The following METTL8 variants were observed in gnomAD, a reference collection of about 807,000 sequenced individuals.
METTL8 encodes the protein methyltransferase 8, tRNA N3-cytidine, also known as tRNA N(3)-cytidine methyltransferase METTL8, mitochondrial.
METTL8 carries 32 observed loss-of-function variants against 48.7 expected under a neutral mutation model. The observed-to-expected ratio is 0.66, with a 90% CI of 0.50 to 0.88. The LOEUF (loss-of-function observed/expected upper bound fraction) is 0.88. Ranked by LOEUF, METTL8 falls within the 40% of genes least tolerant of loss-of-function variation. The pLI, the probability that METTL8 is intolerant of heterozygous loss-of-function variation, is 0.00. For synonymous variants in METTL8, 136 were observed against 157.1 expected (o/e 0.87, Z 1.01); for missense variants, 464 against 474.4 (o/e 0.98, Z 0.20).
chr2:171,361,684 T>C (rs1685187660), intron 2 of METTL8, among the ~76,000 whole-genome samples: 1 of 152,304 alleles, frequency 6.6e-6, no homozygotes, highest in East Asian at 1.9e-4. Context: ...TTCAAGGTCA[T>C]ATAGCCAGGA....
intron 3 of METTL8, among the ~76,000 whole-genome samples, chr2:171,357,004 T>G (rs1161101454): frequency 7.1e-6 from 1 of 140,700 alleles, no homozygotes; most frequent in African/African-American, 2.6e-5. Flanking sequence ...CAGGCTGCAG[T>G]GCAGTGGTGC....
intron 2 of METTL8, among the ~76,000 whole-genome samples, chr2:171,360,794 T>C (rs768673628): frequency 2.0e-5 from 3 of 152,206 alleles, no homozygotes; most frequent in Admixed American, 1.3e-4. Context: ...CCCTGGTGTA[T>C]GACTATTTGG....
chr2:171,341,844 C>G (rs1411701331), intron 3 of METTL8, among the ~76,000 whole-genome samples: 1 of 151,450 alleles, frequency 6.6e-6, no homozygotes, highest in Non-Finnish European at 1.5e-5. Flanking sequence ...TACACACACA[C>G]ACACACACAC....
At chr2:171,412,228 A>T (rs1690823207) in intron 1 of METTL8, among the ~76,000 whole-genome samples, 1 of 152,224 alleles carries the variant, frequency 6.6e-6, no homozygotes, top group African/African-American at 2.4e-5. Context: ...TGCTCTCCGC[A>T]GCATCACCTT....
At chr2:171,374,391 T>C (rs371176960) in intron 2 of METTL8, among the ~76,000 whole-genome samples, 7 of 152,342 alleles carry the variant, frequency 4.6e-5, no homozygotes, top group African/African-American at 1.7e-4. Flanking sequence ...TTTAATGATA[T>C]ATCATACCCA....
At chr2:171,406,116 T>G (rs1425017334) in intron 1 of METTL8, among the ~76,000 whole-genome samples, 1 of 152,186 alleles carries the variant, frequency 6.6e-6, no homozygotes, top group Non-Finnish European at 1.5e-5. Context: ...GTGGACATGA[T>G]TGAAGCCAGA....
chr2:171,391,913 A>G (rs970084682), intron 2 of METTL8, 130 bp downstream of exon 2: 14 of 864,068 alleles, frequency 1.6e-5, no homozygotes. Context: ...CGGTTACCCT[A>G]GCTTTTGGAC....
At chr2:171,342,135 C>T (rs1686839881) in intron 3 of METTL8, among the ~76,000 whole-genome samples, 1 of 152,232 alleles carries the variant, frequency 6.6e-6, no homozygotes, top group African/African-American at 2.4e-5. Flanking sequence ...TGTTACAGAA[C>T]CCTGTCCTGA....
chr2:171,352,578 G>A (rs1684057018), intron 3 of METTL8, among the ~76,000 whole-genome samples: 1 of 152,102 alleles, frequency 6.6e-6, no homozygotes. Flanking sequence ...GTAGAATTCG[G>A]CTGTGAATCC....
At chr2:171,381,728 G>A (rs1323225459) in intron 2 of METTL8, among the ~76,000 whole-genome samples, 2 of 150,262 alleles carry the variant, frequency 1.3e-5, no homozygotes, top group African/African-American at 2.4e-5. Flanking sequence ...GGAATGGCGA[G>A]TATTAAAAAG....
At chr2:171,423,501 G>A (rs1383412279) in intron 1 of METTL8, among the ~76,000 whole-genome samples, 3 of 152,138 alleles carry the variant, frequency 2.0e-5, no homozygotes, top group African/African-American at 7.2e-5. Flanking sequence ...CTGTTAAATG[G>A]TTTTGACCAA....
chr2:171,331,021 T>A (rs1685471359), intron 6 of METTL8, among the ~76,000 whole-genome samples: 1 of 152,170 alleles, frequency 6.6e-6, no homozygotes, highest in Non-Finnish European at 1.5e-5. Flanking sequence ...TTAAAGAGGT[T>A]CTGTTTGGAC....
chr2:171,419,058 T>C lies in METTL8; in HGVS notation c.-13+14825A>G, dbSNP rs80204487. Among the ~76,000 whole-genome samples, 164 of 152,100 alleles carry C rather than the reference T, an allele frequency of 1.1e-3. 2 individuals are homozygous for C. The highest frequency in any genetic ancestry group is 3.8e-3 in the African/African-American group (156 of 41,474). On this transcript the variant is annotated intron_variant, in intron 1 of 9. Coordinates refer to ENST00000375258, the MANE Select transcript of METTL8 (RefSeq NM_001321154.2). ...AAAATCCTCTTTCAGTTGGCTCCTA[T>C]ATTCCTTTTGACATAGTTCCATCAC... is the stretch of plus-strand genomic sequence containing the variant.
At chr2:171,372,946 G>A (rs1202797682) in intron 2 of METTL8, among the ~76,000 whole-genome samples, 3 of 152,076 alleles carry the variant, frequency 2.0e-5, no homozygotes, top group Admixed American at 2.0e-4. Context: ...ATAAACATAC[G>A]TGTGCATGTG....
At chr2:171,387,146 CA>C (rs1688138732) in intron 2 of METTL8, among the ~76,000 whole-genome samples, 2 of 151,956 alleles carry the variant, frequency 1.3e-5, no homozygotes, top group East Asian at 1.9e-4. Context: ...TACGATAAGG[CA>C]GGGGTATAAC....
intron 2 of METTL8, chr2:171,374,804 T>C (rs1490111228): frequency 1.5e-6 from 1 of 649,552 alleles, no homozygotes; most frequent in Admixed American, 2.6e-5. Flanking sequence ...ATTCTGAAAT[T>C]CATCCATGTT....
chr2:171,402,649 G>A (rs1166942965), intron 1 of METTL8, among the ~76,000 whole-genome samples: 1 of 152,068 alleles, frequency 6.6e-6, no homozygotes, highest in Non-Finnish European at 1.5e-5. Context: ...ATCTGAGAGG[G>A]CCTAGAAGTC....
At chr2:171,359,154 G>A (rs1468636765) in intron 3 of METTL8, among the ~76,000 whole-genome samples, 1 of 145,990 alleles carries the variant, frequency 6.8e-6, no homozygotes, top group African/African-American at 2.5e-5. Context: ...ACTCCAGACT[G>A]GGCAACAAGA....
In METTL8 at chr2:171,323,058, T is replaced by C. The variant is rs996575275; in HGVS notation, c.*1114A>G. 6.6e-6 allele frequency: 1 copy of C among 152,166 alleles called. No homozygotes were observed. The highest frequency in any genetic ancestry group is 1.5e-5 in the Non-Finnish European group (1 of 68,022). 9.4% of individuals were successfully genotyped at this position (152,166 alleles called of 1,614,324 possible). Reference sequence around the variant, plus strand: ...ACCTGTTTTATCAGCAAGGTCTGTATGACCTGTATCTTGTACTGACTTCCT... The same window carrying C: ...ACCTGTTTTATCAGCAAGGTCTGTACGACCTGTATCTTGTACTGACTTCCT... On this transcript the variant is annotated 3_prime_UTR_variant, in exon 10 of 10. Coordinates refer to ENST00000375258, the MANE Select transcript of METTL8 (RefSeq NM_001321154.2).
Sources: gnomAD v4.1 joint callset for allele counts (sites outside exome capture counted in the v4.1 genomes callset) on GRCh38, gnomAD v4.1.1 for gene constraint, MANE v1.5 for transcripts, NCBI Gene and HGNC (gene_info 2026-07-23, HGNC 2026-07-21) for gene names.